Variants in FBXL17 observed in about 807,000 individuals in gnomAD.
The protein encoded by FBXL17 is F-box and leucine rich repeat protein 17.
Under a neutral mutation model 66.2 loss-of-function variants are expected in FBXL17, and 22 were observed. The observed-to-expected ratio is 0.33, with a 90% CI of 0.24 to 0.47. The LOEUF is 0.47. Ranked by LOEUF, FBXL17 falls within the 20% of genes least tolerant of loss-of-function variation. FBXL17 has a pLI of 1.00. For synonymous variants in FBXL17, 474 were observed against 400.5 expected, an observed-to-expected ratio of 1.18 and a Z score of -2.19; for missense variants, 878 against 948.2, an observed-to-expected ratio of 0.93 and a Z score of 0.97.
At chr5:108,332,464 T>C (rs1013832545) in intron 4 of FBXL17, among the ~76,000 whole-genome samples, 1 of 152,216 alleles carries the variant, frequency 6.6e-6, no homozygotes, top group Non-Finnish European at 1.5e-5. Flanking sequence ...TAAACAAATA[T>C]TCAGATTAAA....
chr5:108,239,652 G>C (rs924978875), intron 4 of FBXL17, among the ~76,000 whole-genome samples: 9 of 152,112 alleles, frequency 5.9e-5, no homozygotes, highest in Admixed American at 1.3e-4. Context: ...CAATTCCTAA[G>C]CAAGTCTTGT....
intron 6 of FBXL17, among the ~76,000 whole-genome samples, chr5:108,144,256 G>C (rs1580507106): frequency 1.3e-5 from 2 of 152,034 alleles, no homozygotes; most frequent in East Asian, 3.9e-4. Flanking sequence ...ATGCTATTAG[G>C]GAAAGTGATT....
intron 6 of FBXL17, among the ~76,000 whole-genome samples, chr5:108,126,653 A>C (rs430131): frequency 0.62 from 74,919 of 120,292 alleles, 22,873 homozygotes; most frequent in East Asian, 0.84. Context: ...CTCTCTCTCT[A>C]TATATATATA....
chr5:108,256,999 T>C (rs191891905), intron 4 of FBXL17, among the ~76,000 whole-genome samples: 35 of 152,302 alleles, frequency 2.3e-4, no homozygotes, highest in African/African-American at 8.2e-4. Context: ...GCAACATAAA[T>C]ATTTAAATTG....
chr5:108,020,959 C>T lies in FBXL17; in HGVS notation c.1788G>A (p.Glu596=), dbSNP rs777300469. ...TGATTTTACAGGACACCAAATATAGCTCTTTCAGGTTTTGTCCTTCCTTTG... is the reference window on the plus strand; with the variant it reads ...TGATTTTACAGGACACCAAATATAGTTCTTTCAGGTTTTGTCCTTCCTTTG... ...VIAKEGQNLK[E]LYLVSCKITD... The change falls in exon 7 of 9, where the codon GAG becomes GAA. Residue 596 remains glutamate, a synonymous_variant. Coordinates refer to ENST00000542267, the MANE Select transcript of FBXL17 (RefSeq NM_001163315.3). The T allele has an allele frequency of 9.3e-6, 15 of 1,610,646 alleles. No individual in the cohort carries two copies. The East Asian group carries it at 1.8e-4, about 19-fold the overall frequency.
In FBXL17 at chr5:108,025,699, AC is replaced by A. The variant is rs1232592927; in HGVS notation, c.1746-4699del. On this transcript the variant is annotated intron_variant, in intron 6 of 8. Transcript: ENST00000542267. ...AACACATACACACACACACACACAC[AC>A]ACAAACACACACACACACGCGCGCG... 1.1e-4 allele frequency among the ~76,000 whole-genome samples: 14 copies of A among 127,704 alleles called. No homozygotes were observed. In the East Asian group the frequency reaches 2.3e-3, roughly 21 times the overall value. 83.8% of individuals were successfully genotyped at this position (127,704 alleles called of 152,430 possible). A position where few individuals can be genotyped will look rare whatever the true frequency, so the allele number is the denominator to read the frequency against.
chr5:107,886,513 T>G (rs1413308436), intron 7 of FBXL17, among the ~76,000 whole-genome samples: 1 of 151,988 alleles, frequency 6.6e-6, no homozygotes, highest in Non-Finnish European at 1.5e-5. Flanking sequence ...AATGGCTGAT[T>G]CCAGGACTGG....
rs1434295780 is a variant in FBXL17, at chr5:107,864,680, C to A, written c.1966-2820G>T. Reference sequence around the variant, plus strand: ...TGTGGCACCTCCCCCAACTCTCTCTCTTGCTCCCAGCCTCACCATGTGACA... The same window carrying A: ...TGTGGCACCTCCCCCAACTCTCTCTATTGCTCCCAGCCTCACCATGTGACA... On this transcript the variant is annotated intron_variant, in intron 8 of 8. Coordinates refer to ENST00000542267, the MANE Select transcript of FBXL17 (RefSeq NM_001163315.3). 2.0e-5 allele frequency among the ~76,000 whole-genome samples: 3 copies of A among 152,282 alleles called. No homozygotes were observed. The East Asian group carries it at 5.8e-4, about 29-fold the overall frequency.
chr5:108,235,899 A>G (rs1755580031), intron 4 of FBXL17, among the ~76,000 whole-genome samples: 1 of 152,222 alleles, frequency 6.6e-6, no homozygotes, highest in Admixed American at 6.5e-5. Context: ...ACATTTTTTG[A>G]TGCAAAGAAA....
intron 5 of FBXL17, among the ~76,000 whole-genome samples, chr5:108,222,115 C>A (rs146738564): frequency 6.7e-4 from 102 of 152,324 alleles, no homozygotes; most frequent in African/African-American, 2.4e-3. Context: ...CTTTCCAATG[C>A]AGACATTTGC....
At chr5:108,259,502 C>T (rs964004728) in intron 4 of FBXL17, among the ~76,000 whole-genome samples, 1 of 152,136 alleles carries the variant, frequency 6.6e-6, no homozygotes, top group South Asian at 2.1e-4. Context: ...GCTGTACTAT[C>T]AGGTCTAACA....
At chr5:108,183,435 A>G (rs1753091439) in intron 6 of FBXL17, among the ~76,000 whole-genome samples, 1 of 152,214 alleles carries the variant, frequency 6.6e-6, no homozygotes. Flanking sequence ...GTATTTATGT[A>G]CTTCATTATT....
At chr5:108,096,461 A>G (rs771961092) in intron 6 of FBXL17, among the ~76,000 whole-genome samples, 2 of 152,194 alleles carry the variant, frequency 1.3e-5, no homozygotes, top group African/African-American at 2.4e-5. Context: ...CCAAAAGACC[A>G]CTGGAAAATG....
At chr5:107,913,796 C>A (rs934523808) in intron 7 of FBXL17, among the ~76,000 whole-genome samples, 1 of 152,108 alleles carries the variant, frequency 6.6e-6, no homozygotes, top group Admixed American at 6.6e-5. Flanking sequence ...TCTGCAAAAA[C>A]TATCAGCTGT....
At chr5:108,054,705 A>G (rs1263116116) in intron 6 of FBXL17, among the ~76,000 whole-genome samples, 1 of 152,156 alleles carries the variant, frequency 6.6e-6, no homozygotes, top group Non-Finnish European at 1.5e-5. Flanking sequence ...TCCTTTCCTC[A>G]TCCTTTGGCT....
chr5:107,886,684 G>T (rs1748981546), intron 7 of FBXL17, among the ~76,000 whole-genome samples: 2 of 152,092 alleles, frequency 1.3e-5, no homozygotes, highest in Admixed American at 1.3e-4. Context: ...AATAATGATA[G>T]TATGGATTAT....
At position 108,274,119 on chromosome 5, in the gene FBXL17, A is replaced by T. The variant is rs146568906; in HGVS notation, c.1507-49891T>A. 1.8e-3 allele frequency among the ~76,000 whole-genome samples: 268 copies of T among 152,342 alleles called. 3 individuals carry two copies. The highest frequency in any genetic ancestry group is 0.017 in the Admixed American group (254 of 15,298). On this transcript the variant is annotated intron_variant, in intron 4 of 8. Transcript: ENST00000542267. Reference sequence around the variant, plus strand: ...AATTGCTAATGAAGTTTCGGGCATCATTGTCATTGATAACATCTTATCAGG... The same window carrying T: ...AATTGCTAATGAAGTTTCGGGCATCTTTGTCATTGATAACATCTTATCAGG...
At chr5:108,091,583 T>G (rs1470645000) in intron 6 of FBXL17, among the ~76,000 whole-genome samples, 2 of 152,224 alleles carry the variant, frequency 1.3e-5, no homozygotes. Context: ...CTGTTTGTTT[T>G]ATATGAACCT....
Position 108,381,908 on chromosome 5 carries a change from G to A in FBXL17, c.-217C>T, listed in dbSNP as rs1462641973. The stretch of plus-strand genomic sequence containing the variant: ...GACGGGGGCTACATGCTTTGCCCAG[G>A]GAAGCCGGGAGAACGATGGGCGCGA... On this transcript the variant is annotated 5_prime_UTR_variant, in exon 1 of 9. Transcript: ENST00000542267. 8 of 1,267,068 alleles carry A rather than the reference G, an allele frequency of 6.3e-6. No individual in the cohort carries two copies. The highest frequency in any genetic ancestry group is 7.9e-6 in the Non-Finnish European group (8 of 1,006,536). The allele number at this position is 1,267,068 out of a possible 1,614,324, so 78.5% of individuals were successfully genotyped here.
Sources: gnomAD v4.1 joint callset for allele counts (sites outside exome capture counted in the v4.1 genomes callset) on GRCh38, gnomAD v4.1.1 for gene constraint, MANE v1.5 for transcripts, NCBI Gene and HGNC (gene_info 2026-07-23, HGNC 2026-07-21) for gene names.